The following CACNA2D3 variants were observed in gnomAD, a reference collection of about 807,000 sequenced individuals.
CACNA2D3 encodes calcium voltage-gated channel auxiliary subunit alpha2delta 3, also known as voltage-dependent calcium channel subunit alpha-2/delta-3.
CACNA2D3 carries 60 observed loss-of-function variants against 160.6 expected under a neutral mutation model. That is an observed-to-expected ratio of 0.37 (90% CI 0.30 to 0.46). The LOEUF (loss-of-function observed/expected upper bound fraction) is 0.46, where lower values mean the gene tolerates loss of function less well. Ranked by LOEUF, CACNA2D3 falls within the 20% of genes least tolerant of loss-of-function variation. The pLI, the probability that CACNA2D3 is intolerant of heterozygous loss-of-function variation, is 1.00. For synonymous variants in CACNA2D3, 558 were observed against 492.9 expected (o/e 1.13, Z -1.75); for missense variants, 1,205 against 1,365.0 (o/e 0.88, Z 1.85).
intron 29 of CACNA2D3, among the ~76,000 whole-genome samples, chr3:54,981,716 C>T (rs1367476995): frequency 2.0e-5 from 3 of 152,218 alleles, no homozygotes; most frequent in Non-Finnish European, 4.4e-5. Context: ...AATGATTTTC[C>T]ATTCTGGCCA....
chr3:55,061,301 C>T (rs1003062105), intron 35 of CACNA2D3, among the ~76,000 whole-genome samples: 3 of 152,236 alleles, frequency 2.0e-5, no homozygotes, highest in African/African-American at 7.2e-5. Context: ...ATTTCCCACA[C>T]TGGTGAAACG....
intron 9 of CACNA2D3, among the ~76,000 whole-genome samples, chr3:54,613,577 C>T (rs957276147): frequency 2.0e-5 from 3 of 152,186 alleles, no homozygotes; most frequent in Admixed American, 2.0e-4. Context: ...ATATTATGAA[C>T]CTACAGCATG....
intron 2 of CACNA2D3, among the ~76,000 whole-genome samples, chr3:54,234,953 C>A (rs1701846299): frequency 6.6e-6 from 1 of 151,996 alleles, no homozygotes; most frequent in African/African-American, 2.4e-5. Context: ...TACAACAAAC[C>A]CCCAAGACAC....
intron 35 of CACNA2D3, among the ~76,000 whole-genome samples, chr3:55,054,546 T>A: frequency 6.6e-6 from 1 of 150,740 alleles, no homozygotes. Flanking sequence ...GTTTCATACC[T>A]CAGTATAGCC....
At chr3:54,157,041 G>A (rs1345480873) in intron 2 of CACNA2D3, among the ~76,000 whole-genome samples, 1 of 152,218 alleles carries the variant, frequency 6.6e-6, no homozygotes, top group Non-Finnish European at 1.5e-5. Flanking sequence ...AACTAGAAAT[G>A]TATTCTCTCA....
intron 17 of CACNA2D3, among the ~76,000 whole-genome samples, chr3:54,848,465 A>G (rs570264334): frequency 6.6e-6 from 1 of 152,354 alleles, no homozygotes; most frequent in East Asian, 1.9e-4. Flanking sequence ...AACCCAAACC[A>G]TATGAACCAT....
chr3:54,187,277 CTT>C (rs1375695771), intron 2 of CACNA2D3, among the ~76,000 whole-genome samples: 10 of 152,222 alleles, frequency 6.6e-5, no homozygotes, highest in African/African-American at 2.2e-4. Flanking sequence ...GCAAATAAAA[CTT>C]AATATACTCG....
intron 9 of CACNA2D3, among the ~76,000 whole-genome samples, chr3:54,595,654 C>T (rs1702941283): frequency 6.6e-6 from 1 of 152,168 alleles, no homozygotes; most frequent in Admixed American, 6.5e-5. Context: ...AGCCTGCCCT[C>T]TTCCTGAGGC....
intron 10 of CACNA2D3, among the ~76,000 whole-genome samples, chr3:54,629,419 A>G (rs1699186865): frequency 6.6e-6 from 1 of 152,130 alleles, no homozygotes; most frequent in Non-Finnish European, 1.5e-5. Flanking sequence ...TACCAATAAT[A>G]CCTGTTGCCA....
intron 16 of CACNA2D3, among the ~76,000 whole-genome samples, chr3:54,843,367 T>C (rs574578937): frequency 2.0e-5 from 3 of 152,312 alleles, no homozygotes; most frequent in Middle Eastern, 3.4e-3. Flanking sequence ...GAGCTGAGGC[T>C]GAGCTTATAG....
intron 30 of CACNA2D3, 100 bp downstream of exon 30, chr3:54,984,770 TA>T: frequency 1.4e-6 from 1 of 729,494 alleles, no homozygotes; most frequent in Non-Finnish European, 2.4e-6. Flanking sequence ...CAATGATCTT[TA>T]TTTAGGAGGT....
intron 13 of CACNA2D3, among the ~76,000 whole-genome samples, chr3:54,799,107 A>G (rs190275980): frequency 2.6e-5 from 4 of 152,182 alleles, no homozygotes; most frequent in South Asian, 2.1e-4. Context: ...TTCTAATCCT[A>G]TTTTTCCCAT....
At chr3:54,198,416 C>G (rs1445380178) in intron 2 of CACNA2D3, among the ~76,000 whole-genome samples, 1 of 152,176 alleles carries the variant, frequency 6.6e-6, no homozygotes, top group Non-Finnish European at 1.5e-5. Context: ...CCCGTGGCCC[C>G]GAATATTTCC....
chr3:54,656,203 G>T (rs1699872453), intron 11 of CACNA2D3, among the ~76,000 whole-genome samples: 1 of 152,240 alleles, frequency 6.6e-6, no homozygotes, highest in Non-Finnish European at 1.5e-5. Context: ...TGGCATGGTA[G>T]ATTTGGGAAT....
chr3:54,148,642 C>A (rs1208387796), intron 2 of CACNA2D3, among the ~76,000 whole-genome samples: 2 of 152,092 alleles, frequency 1.3e-5, no homozygotes, highest in Non-Finnish European at 2.9e-5. Context: ...GAAGCTTTCA[C>A]CGTGGACTGG....
intron 29 of CACNA2D3, 39 bp downstream of exon 29, chr3:54,969,883 T>C: frequency 6.3e-7 from 1 of 1,586,562 alleles, no homozygotes; most frequent in Non-Finnish European, 8.6e-7. Context: ...CCCCTGTGGA[T>C]AGAAGGTGAC....
intron 27 of CACNA2D3, among the ~76,000 whole-genome samples, chr3:54,950,354 A>C (rs1257183768): frequency 2.0e-5 from 3 of 152,162 alleles, no homozygotes; most frequent in Non-Finnish European, 2.9e-5. Context: ...GCCCCTTTTA[A>C]TCTGCTGAGG....
intron 12 of CACNA2D3, among the ~76,000 whole-genome samples, chr3:54,760,620 C>T (rs924524779): frequency 2.6e-5 from 4 of 151,988 alleles, no homozygotes; most frequent in African/African-American, 7.3e-5. Context: ...TGGGGAGACT[C>T]TTGTGGACTC....
chr3:54,940,013 A>C (rs989864442), intron 27 of CACNA2D3, among the ~76,000 whole-genome samples: 2 of 151,952 alleles, frequency 1.3e-5, no homozygotes, highest in Non-Finnish European at 2.9e-5. Flanking sequence ...TGAGCAGATG[A>C]GCATCTCAGA....
Sources: allele counts gnomAD v4.1 joint callset (sites outside exome capture counted in the v4.1 genomes callset), GRCh38; gene constraint gnomAD v4.1.1; transcripts MANE v1.5; gene names NCBI Gene and HGNC (gene_info 2026-07-23, HGNC 2026-07-21).